Variants in PHACTR3 observed in about 807,000 individuals in gnomAD.
The protein encoded by PHACTR3 is protein phosphatase 1, regulatory subunit 123.
Under a neutral mutation model 66.8 loss-of-function variants are expected in PHACTR3, and 16 were observed. The observed-to-expected ratio is 0.24, with a 90% CI of 0.16 to 0.36. The LOEUF is 0.36. Among genes scored for constraint, PHACTR3 ranks in the 10% least tolerant of loss-of-function variants. The pLI, the probability that PHACTR3 is intolerant of heterozygous loss-of-function variation, is 1.00. For synonymous variants in PHACTR3, 323 were observed against 292.1 expected, an observed-to-expected ratio of 1.11 and a Z score of -1.08; for missense variants, 647 against 719.9, an observed-to-expected ratio of 0.90 and a Z score of 1.16.
chr20:59,736,696 C>G lies in PHACTR3; in HGVS notation c.119-6411C>G, dbSNP rs960347282. 6.6e-6 allele frequency among the ~76,000 whole-genome samples: 1 copy of G among 152,214 alleles called. No homozygotes were observed. Among genetic ancestry groups the G allele is most frequent in the African/African-American group, 2.4e-5 (1 of 41,466 alleles). ...ATGACCACACCTGCCCCGCTGTACA[C>G]CTGCAGTGATGGGCTCATGTCCTCT... On this transcript the variant is annotated intron_variant, in intron 1 of 12. Transcript: ENST00000371015. The surrounding 1 kb of genome is among the most constrained non-coding windows in gnomAD (Gnocchi z 4.6).
intron 1 of PHACTR3, among the ~76,000 whole-genome samples, chr20:59,635,101 C>CTCTCTCTT (rs1555881117): frequency 7.5e-5 from 7 of 92,986 alleles, no homozygotes; most frequent in East Asian, 4.4e-4. Context: ...TTCTTTCTCT[C>CTCTCTCTT]TCTTTCTTTC....
At chr20:59,602,363 T>G (rs990139097), upstream of PHACTR3, among the ~76,000 whole-genome samples, 2 of 150,368 alleles carry the variant, frequency 1.3e-5, no homozygotes, top group Non-Finnish European at 2.9e-5. Flanking sequence ...CCCAGGAGTT[T>G]GAGGCTGTAG....
At chr20:59,593,245 C>A (rs1034569783) in intron 1 of PHACTR3, among the ~76,000 whole-genome samples, 1 of 152,314 alleles carries the variant, frequency 6.6e-6, no homozygotes, top group Admixed American at 6.5e-5. Context: ...TTGCATTTCT[C>A]TAATGGCATA....
rs1219457849 is a variant in PHACTR3, at chr20:59,735,197, T to C, written c.119-7910T>C. 2.0e-5 allele frequency among the ~76,000 whole-genome samples: 3 copies of C among 152,290 alleles called. No homozygotes were observed. The East Asian group carries it at 5.8e-4, about 29-fold the overall frequency. ...CACATTATGAGGTTGCCTTACACTT[T>C]CTGTGTTCCTTCTTTTCTCCTCCAT... On this transcript the variant is annotated intron_variant, in intron 1 of 12. Coordinates refer to ENST00000371015, the MANE Select transcript of PHACTR3 (RefSeq NM_080672.5).
chr20:59,611,280 C>T (rs746654091), intron 1 of PHACTR3, among the ~76,000 whole-genome samples: 9 of 152,266 alleles, frequency 5.9e-5, no homozygotes, highest in Non-Finnish European at 1.3e-4. Flanking sequence ...GAGGCAGACA[C>T]CTCCCCAAAC....
Position 59,577,841 on chromosome 20 carries a change from A to G in PHACTR3, c.109+224A>G, listed in dbSNP as rs1175137456. 2.6e-5 allele frequency among the ~76,000 whole-genome samples: 4 copies of G among 152,154 alleles called. No homozygotes were observed. The East Asian group carries it at 7.8e-4, about 30-fold the overall frequency. ...AAGTCACCAGAGTCTCTCCCTAAACAAGGGCAGTGTCCGCAGGGTCAGAAG... is the reference window on the plus strand; with the variant it reads ...AAGTCACCAGAGTCTCTCCCTAAACGAGGGCAGTGTCCGCAGGGTCAGAAG... On this transcript the variant is annotated intron_variant, in intron 1 of 12. Coordinates refer to the PHACTR3 transcript ENST00000359926.
intron 1 of PHACTR3, among the ~76,000 whole-genome samples, chr20:59,590,759 G>A (rs55727501): frequency 0.033 from 5,058 of 152,292 alleles, 127 homozygotes; most frequent in Middle Eastern, 0.079. Flanking sequence ...CCAAGATCAA[G>A]GGGCCGGCAG....
Position 59,812,849 on chromosome 20 carries a change from G to C in PHACTR3, c.1328+6655G>C, listed in dbSNP as rs1329385427. Among the ~76,000 whole-genome samples the C allele has an allele frequency of 2.0e-5, 3 of 152,124 alleles. No individual in the cohort carries two copies. In the East Asian group the frequency reaches 5.8e-4, roughly 29 times the overall value. On this transcript the variant is annotated intron_variant, in intron 8 of 12. Transcript: ENST00000371015. Reference sequence around the variant, plus strand: ...TGCAGTGCTGATTGCCTGTGATGCCGAGCAGGGACCATCATCCCTGCTCTG... The same window carrying C: ...TGCAGTGCTGATTGCCTGTGATGCCCAGCAGGGACCATCATCCCTGCTCTG...
chr20:59,710,167 T>C (rs189086350), intron 1 of PHACTR3, among the ~76,000 whole-genome samples: 239 of 152,312 alleles, frequency 1.6e-3, no homozygotes, highest in African/African-American at 5.5e-3. Flanking sequence ...AGTTCACCCC[T>C]ATTCTTGAAT....
intron 8 of PHACTR3, among the ~76,000 whole-genome samples, chr20:59,832,067 C>T (rs2042400475): frequency 6.6e-6 from 1 of 152,178 alleles, no homozygotes; most frequent in Non-Finnish European, 1.5e-5. Context: ...AGAATGCTTC[C>T]TGGGCCTCAT....
chr20:59,628,478 C>A, intron 1 of PHACTR3: 1 of 230,972 alleles, frequency 4.3e-6, no homozygotes, highest in Non-Finnish European at 7.1e-6. Context: ...CCGCAGCCTG[C>A]ACGTGAATGG....
At position 59,736,827 on chromosome 20, in the gene PHACTR3, C is replaced by A. The variant is rs560030123; in HGVS notation, c.119-6280C>A. Among the ~76,000 whole-genome samples, 14 of 152,236 alleles carry A rather than the reference C, an allele frequency of 9.2e-5. No individual in the cohort carries two copies. The highest frequency in any genetic ancestry group is 3.4e-4 in the African/African-American group (14 of 41,566). ...CTCACAAGCCCTCCCCTGGCACAGT[C>A]CTGGGCTTGAGCCACCCCAGGGAAG... On this transcript the variant is annotated intron_variant, in intron 1 of 12. Transcript: ENST00000371015. This position sits in a 1 kb window ranked among gnomAD's most constrained non-coding sequence, Gnocchi z 4.6.
intron 1 of PHACTR3, among the ~76,000 whole-genome samples, chr20:59,734,266 A>T (rs1231067550): frequency 6.6e-6 from 1 of 152,100 alleles, no homozygotes; most frequent in Non-Finnish European, 1.5e-5. Flanking sequence ...GAATCAATTA[A>T]TTTTTTTAAG....
intron 1 of PHACTR3, among the ~76,000 whole-genome samples, chr20:59,642,795 T>C (rs946972378): frequency 2.0e-5 from 3 of 152,210 alleles, no homozygotes; most frequent in Non-Finnish European, 2.9e-5. Flanking sequence ...TTGGAAACCC[T>C]TGGTGCATGA....
At chr20:59,622,990 A>AAAAAAAAAAACAAAC (rs1555879286) in intron 1 of PHACTR3, among the ~76,000 whole-genome samples, 17 of 142,014 alleles carry the variant, frequency 1.2e-4, no homozygotes, top group African/African-American at 4.4e-4. Context: ...CCAAAAAAAA[A>AAAAAAAAAAACAAAC]AAAAAAAAAA....
At chr20:59,828,844 C>G (rs770180636) in intron 8 of PHACTR3, among the ~76,000 whole-genome samples, 1 of 152,008 alleles carries the variant, frequency 6.6e-6, no homozygotes, top group Non-Finnish European at 1.5e-5. Context: ...TAGAGTTATG[C>G]TGCTGTGGGC....
intron 4 of PHACTR3, among the ~76,000 whole-genome samples, chr20:59,763,224 C>T (rs533425888): frequency 4.6e-5 from 7 of 152,316 alleles, no homozygotes; most frequent in Non-Finnish European, 7.3e-5. Context: ...TCCTTCCTGC[C>T]GCCTTGTGAA....
chr20:59,750,362 C>T (rs1161092629), intron 3 of PHACTR3, among the ~76,000 whole-genome samples: 2 of 152,120 alleles, frequency 1.3e-5, no homozygotes, highest in African/African-American at 2.4e-5. Context: ...ATTAGATGCG[C>T]TGGGCGTGGG....
chr20:59,777,304 T>A (rs1372014236), intron 7 of PHACTR3, among the ~76,000 whole-genome samples: 1 of 152,246 alleles, frequency 6.6e-6, no homozygotes, highest in Non-Finnish European at 1.5e-5. Flanking sequence ...AAGGTCACTT[T>A]CACAGGTTCT....
Sources: gnomAD v4.1 joint callset for allele counts (sites outside exome capture counted in the v4.1 genomes callset) on GRCh38, gnomAD v4.1.1 for gene constraint, Gnocchi (gnomAD v3.1) non-coding constraint, MANE v1.5 for transcripts, NCBI Gene and HGNC (gene_info 2026-07-23, HGNC 2026-07-21) for gene names.